CWH43: variants seen among roughly 807,000 people sequenced by gnomAD.
CWH43 encodes the protein PGAP2-interacting protein.
A neutral mutation model predicts 85.7 loss-of-function variants in CWH43; 91 were observed. The ratio of observed to expected loss-of-function variants is 1.06; its 90% CI spans 0.90 to 1.26. The LOEUF is 1.26. Among genes scored for constraint, CWH43 ranks in the 50% most tolerant of loss-of-function variants. CWH43 has a pLI of 0.00. For missense variants in CWH43, 869 were observed against 839.2 expected, an observed-to-expected ratio of 1.04 and a Z score of -0.44; for synonymous variants, 323 against 293.6, an observed-to-expected ratio of 1.10 and a Z score of -1.02.
At chr4:48,999,879 C>T (rs991519862) in intron 6 of CWH43, among the ~76,000 whole-genome samples, 7 of 152,148 alleles carry the variant, frequency 4.6e-5, no homozygotes, top group African/African-American at 1.7e-4. Flanking sequence ...CCCTTTAGGA[C>T]CCCAGAAGTA....
intron 14 of CWH43, among the ~76,000 whole-genome samples, chr4:49,049,841 G>A (rs1308875148): frequency 6.6e-6 from 1 of 152,032 alleles, no homozygotes; most frequent in African/African-American, 2.4e-5. Flanking sequence ...ACTCATCACT[G>A]CCTGTCCTTC....
At chr4:49,036,869 A>G (rs980715756) in intron 12 of CWH43, among the ~76,000 whole-genome samples, 5 of 152,014 alleles carry the variant, frequency 3.3e-5, no homozygotes, top group African/African-American at 1.2e-4. Context: ...TCTTCTTTGT[A>G]TGGTCCCAGC....
At chr4:48,991,321 A>G (rs1348134726) in intron 2 of CWH43, 133 bp from the exon 3 acceptor site, 3 of 834,304 alleles carry the variant, frequency 3.6e-6, no homozygotes, top group African/African-American at 3.4e-5. Context: ...TTTTAAATAC[A>G]TATATAAAAT....
intron 15 of CWH43, among the ~76,000 whole-genome samples, chr4:49,058,083 T>C (rs1785023538): frequency 6.6e-6 from 1 of 152,200 alleles, no homozygotes; most frequent in Non-Finnish European, 1.5e-5. Flanking sequence ...ATTTAATCCA[T>C]TTACATTTAA....
At chr4:49,032,154 AGGAC>A in intron 11 of CWH43, among the ~76,000 whole-genome samples, 1 of 152,340 alleles carries the variant, frequency 6.6e-6, no homozygotes, top group African/African-American at 2.4e-5. Flanking sequence ...ATATGCCTAT[AGGAC>A]AGTTTTTCAT....
In CWH43 at chr4:48,988,518, A is replaced by T; in HGVS notation, c.85A>T (p.Ile29Phe). 1 of 1,610,464 alleles carries T rather than the reference A, an allele frequency of 6.2e-7. No individual in the cohort carries two copies. The highest frequency in any genetic ancestry group is 8.5e-7 in the Non-Finnish European group (1 of 1,178,936). ...WSLYHDLGPM[I>F]YYFPLQTLEL... is the part of the protein sequence containing the mutation. ...TCTCTACCATGACCTGGGACCGATG[A>T]TCTATTACTTTCCTTTGCAAACACT... Residue 29 changes from isoleucine (I) to phenylalanine (F), a missense_variant, in exon 2 of 16, where the codon ATC becomes TTC. Physicochemically the swap from Ile to Phe is conservative, Grantham distance 21. Around this residue, in one of 3 missense-constraint regions of CWH43, gnomAD observed 140 missense variants for 122.6 expected, o/e 1.14. Transcript: ENST00000226432.
chr4:49,048,405 T>A (rs116472815), intron 14 of CWH43, among the ~76,000 whole-genome samples: 1 of 151,204 alleles, frequency 6.6e-6, no homozygotes, highest in South Asian at 2.1e-4. Flanking sequence ...AGTATATATA[T>A]AAAATATGAT....
Position 49,003,808 on chromosome 4 carries a change from C to CT in CWH43, c.879dup (p.Thr294TyrfsTer14). The CT allele has an allele frequency of 1.9e-6, 3 of 1,614,016 alleles. No individual in the cohort carries two copies. Among genetic ancestry groups the CT allele is most frequent in the Non-Finnish European group, 2.5e-6 (3 of 1,179,926 alleles). On this transcript the variant is annotated frameshift_variant, in exon 7 of 16. Coordinates refer to ENST00000226432, the MANE Select transcript of CWH43 (RefSeq NM_025087.3). LOFTEE classifies it high-confidence loss of function. ...CTGTGTCTGGCTGTGTCTTCGCCAT[C>CT]TTTACTGCATCCATGTGGCCCCAAA...
chr4:49,026,985 ACC>A (rs1436501341), intron 9 of CWH43, among the ~76,000 whole-genome samples: 10 of 152,342 alleles, frequency 6.6e-5, no homozygotes, highest in Non-Finnish European at 1.5e-4. Context: ...TTGTGATTGT[ACC>A]AATTTACATT....
At position 49,017,334 on chromosome 4, in the gene CWH43, T is replaced by A. The variant is rs777434482; in HGVS notation, c.1266+6T>A. On this transcript the variant is annotated splice_donor_region_variant and intron_variant, in intron 9 of 15. Coordinates refer to ENST00000226432, the MANE Select transcript of CWH43 (RefSeq NM_025087.3). The stretch of plus-strand genomic sequence containing the variant: ...AGAGAAAACTGGGCAAAGTGGTAAG[T>A]AATTAAAAACCTTGAAATAGAATTT... 3.1e-6 allele frequency: 5 copies of A among 1,589,624 alleles called. No homozygotes were observed. The highest frequency in any genetic ancestry group is 3.4e-6 in the Non-Finnish European group (4 of 1,161,608).
intron 13 of CWH43, among the ~76,000 whole-genome samples, chr4:49,043,595 G>T (rs1254013161): frequency 1.3e-5 from 2 of 151,836 alleles, no homozygotes; most frequent in East Asian, 3.8e-4. Context: ...TGGATGAACA[G>T]ATTTTTCTCT....
intron 13 of CWH43, among the ~76,000 whole-genome samples, chr4:49,038,773 A>G (rs1784342881): frequency 6.6e-6 from 1 of 152,124 alleles, no homozygotes; most frequent in African/African-American, 2.4e-5. Context: ...AAAGTTAATT[A>G]TGGGGCTGGG....
chr4:49,032,659 C>T lies in CWH43; in HGVS notation c.1602C>T (p.Thr534=), dbSNP rs762400059. The T allele has an allele frequency of 2.6e-5, 42 of 1,613,984 alleles. No homozygotes were observed. Among genetic ancestry groups the T allele is most frequent in the African/African-American group, 4.0e-5 (3 of 74,910 alleles). The part of the protein sequence containing the change: ...EGEIAPAITL[T]VNISGKLVDF... The stretch of plus-strand genomic sequence containing the variant: ...AGATCGCACCAGCCATCACATTGAC[C>T]GTTAACATTTCGGGCAAGCTGGTGG... Residue 534 remains threonine, a synonymous_variant, in exon 12 of 16, where the codon ACC becomes ACT. Coordinates refer to ENST00000226432, the MANE Select transcript of CWH43 (RefSeq NM_025087.3).
chr4:48,998,956 CA>C (rs761526402), intron 6 of CWH43, among the ~76,000 whole-genome samples: 1 of 152,114 alleles, frequency 6.6e-6, no homozygotes, highest in Non-Finnish European at 1.5e-5. Flanking sequence ...CTTTTAAGTT[CA>C]GGGGTACATG....
At chr4:49,030,745 G>A (rs951017540) in intron 10 of CWH43, 80 bp from the exon 11 acceptor site, 4 of 1,350,212 alleles carry the variant, frequency 3.0e-6, no homozygotes, top group Non-Finnish European at 3.9e-6. Context: ...AAAGGTTAAG[G>A]GTCAAGAGTA....
chr4:48,997,031 T>G (rs1489821136), intron 5 of CWH43, among the ~76,000 whole-genome samples: 1 of 152,226 alleles, frequency 6.6e-6, no homozygotes, highest in Non-Finnish European at 1.5e-5. Context: ...TGCTTCACAA[T>G]GCACATCAGC....
At position 49,030,810 on chromosome 4, in the gene CWH43, T is replaced by A; in HGVS notation, c.1373-15T>A. The A allele has an allele frequency of 6.4e-7, 1 of 1,555,756 alleles. No homozygotes were observed. The highest frequency in any genetic ancestry group is 8.6e-7 in the Non-Finnish European group (1 of 1,157,976). ...GTGATTCATCACTGTATGCTACTTT[T>A]TTTTTTCTGAACAGGTGCAGATTTC... On this transcript the variant is annotated splice_polypyrimidine_tract_variant and intron_variant, in intron 10 of 15. Coordinates refer to ENST00000226432, the MANE Select transcript of CWH43 (RefSeq NM_025087.3).
intron 11 of CWH43, 56 bp downstream of exon 11, chr4:49,031,016 A>G: frequency 2.1e-6 from 3 of 1,456,174 alleles, no homozygotes; most frequent in East Asian, 2.6e-5. Flanking sequence ...TAGGCTGCAT[A>G]GGCTTGGAGT....
At chr4:49,050,899 A>G (rs777975389) in intron 15 of CWH43, 50 bp downstream of exon 15, 8 of 1,360,418 alleles carry the variant, frequency 5.9e-6, no homozygotes, top group South Asian at 5.3e-5. Context: ...GCATCCCTCT[A>G]TGGAACCTAC....
Sources: gnomAD v4.1 joint callset for allele counts (sites outside exome capture counted in the v4.1 genomes callset) on GRCh38, gnomAD v4.1.1 for gene constraint, gnomAD v4.1.1 regional missense constraint, MANE v1.5 for transcripts, NCBI Gene and HGNC (gene_info 2026-07-23, HGNC 2026-07-21) for gene names.